The following PCSK5 variants were observed in gnomAD, a reference collection of about 807,000 sequenced individuals.
PCSK5 encodes the protein proprotein convertase subtilisin/kexin type 5.
A neutral mutation model predicts 233.2 loss-of-function variants in PCSK5; 129 were observed. That is an observed-to-expected ratio of 0.55 (90% CI 0.48 to 0.64). The LOEUF is 0.64. PCSK5 is among the 30% of genes least tolerant of loss of function. The probability of loss-of-function intolerance (pLI) is 0.00; values close to 1 mark genes in which losing one functional copy is unlikely to be tolerated. For synonymous variants in PCSK5, 825 were observed against 879.2 expected, an observed-to-expected ratio of 0.94 and a Z score of 1.09; for missense variants, 2,076 against 2,430.1, an observed-to-expected ratio of 0.85 and a Z score of 3.06.
chr9:76,301,380 C>T (rs959318923), intron 27 of PCSK5, among the ~76,000 whole-genome samples: 6 of 152,010 alleles, frequency 3.9e-5, no homozygotes, highest in Non-Finnish European at 2.9e-5. Context: ...AATGGTAAGT[C>T]GGGATACCTA....
At chr9:76,174,850 C>T (rs536142986) in intron 13 of PCSK5, 136 bp from the exon 14 acceptor site, 4 of 690,970 alleles carry the variant, frequency 5.8e-6, no homozygotes, top group Admixed American at 5.6e-5. Flanking sequence ...TCTAGCTCTG[C>T]GTTTGATGTA....
chr9:76,317,793 T>C (rs1829073545), intron 30 of PCSK5, among the ~76,000 whole-genome samples: 1 of 152,188 alleles, frequency 6.6e-6, no homozygotes. Flanking sequence ...TTGTCATGGC[T>C]GTGAGAAGAA....
Position 76,267,444 on chromosome 9 carries a change from C to T in PCSK5, c.3143-24789C>T, listed in dbSNP as rs1048761698. On this transcript the variant is annotated intron_variant, in intron 24 of 37. Transcript: ENST00000674117. Reference sequence around the variant, plus strand: ...GTGTGATTGTGTAAACTTAATCATACTGCAAAATCCCTCTTGTCTTCAGAC... The same window carrying T: ...GTGTGATTGTGTAAACTTAATCATATTGCAAAATCCCTCTTGTCTTCAGAC... Among the ~76,000 whole-genome samples the T allele has an allele frequency of 7.9e-5, 12 of 152,154 alleles. No homozygotes were observed. In the East Asian group the frequency reaches 1.2e-3, roughly 15 times the overall value.
At chr9:76,353,928 A>G (rs1019888162) in intron 36 of PCSK5, 105 bp from the exon 37 acceptor site, 1 of 791,888 alleles carries the variant, frequency 1.3e-6, no homozygotes, top group African/African-American at 1.7e-5. Context: ...GCTGTCCCCC[A>G]CACATCTCCC....
chr9:76,314,645 T>A (rs1275087097), intron 30 of PCSK5, among the ~76,000 whole-genome samples: 1 of 152,130 alleles, frequency 6.6e-6, no homozygotes, highest in Non-Finnish European at 1.5e-5. Context: ...AAAAAGTGTT[T>A]GTTTTTTTTG....
intron 6 of PCSK5, among the ~76,000 whole-genome samples, chr9:76,069,437 C>A (rs1477789588): frequency 7.3e-6 from 1 of 136,468 alleles, no homozygotes; most frequent in Non-Finnish European, 1.5e-5. Flanking sequence ...AACCAATGAC[C>A]TAGCTTACAG....
At chr9:76,192,430 A>G (rs1041491885) in intron 20 of PCSK5, among the ~76,000 whole-genome samples, 2 of 152,210 alleles carry the variant, frequency 1.3e-5, no homozygotes, top group African/African-American at 4.8e-5. Flanking sequence ...ATTCTAAGAC[A>G]TATATTTTTT....
At chr9:76,296,421 T>C (rs1828439591) in intron 26 of PCSK5, among the ~76,000 whole-genome samples, 1 of 152,132 alleles carries the variant, frequency 6.6e-6, no homozygotes, top group African/African-American at 2.4e-5. Context: ...CACATACCTG[T>C]AGTCCCGGTC....
chr9:75,932,130 A>G (rs774968989), intron 1 of PCSK5, among the ~76,000 whole-genome samples: 1 of 152,242 alleles, frequency 6.6e-6, no homozygotes, highest in African/African-American at 2.4e-5. Flanking sequence ...TGGAGAGGCT[A>G]AGCTGCCCCA....
chr9:76,156,802 C>T (rs1587696753), intron 10 of PCSK5, among the ~76,000 whole-genome samples: 1 of 152,152 alleles, frequency 6.6e-6, no homozygotes, highest in South Asian at 2.1e-4. Flanking sequence ...TAGTGCCTGG[C>T]ATGGAGTAAC....
intron 24 of PCSK5, among the ~76,000 whole-genome samples, chr9:76,285,102 T>A (rs1270276750): frequency 6.6e-6 from 1 of 152,008 alleles, no homozygotes; most frequent in Non-Finnish European, 1.5e-5. Flanking sequence ...GATTGGAGAG[T>A]GGCTGATGCT....
At chr9:75,976,866 A>G (rs1826047073) in intron 2 of PCSK5, among the ~76,000 whole-genome samples, 1 of 152,046 alleles carries the variant, frequency 6.6e-6, no homozygotes. Context: ...CCTTTTTTCC[A>G]CTTAGCTGTA....
chr9:76,058,136 A>G (rs1347641696), intron 5 of PCSK5, among the ~76,000 whole-genome samples: 1 of 152,176 alleles, frequency 6.6e-6, no homozygotes, highest in African/African-American at 2.4e-5. Flanking sequence ...AGATATTGCA[A>G]CCATGCCCGA....
chr9:75,943,454 C>G (rs1045900865), intron 2 of PCSK5, among the ~76,000 whole-genome samples: 1 of 152,148 alleles, frequency 6.6e-6, no homozygotes, highest in Non-Finnish European at 1.5e-5. Context: ...TAATTCATGT[C>G]TTTATTTTAA....
chr9:76,277,259 T>C (rs1827722749), intron 24 of PCSK5, among the ~76,000 whole-genome samples: 1 of 152,120 alleles, frequency 6.6e-6, no homozygotes, highest in Non-Finnish European at 1.5e-5. Context: ...ATTTTTTCTT[T>C]TTATTATGTC....
rs752065707 is a variant in PCSK5 at position 76,310,835 on chromosome 9, T to C, written c.3868T>C (p.Tyr1290His). 2 of 1,601,652 alleles carry C rather than the reference T, an allele frequency of 1.2e-6. No individual in the cohort carries two copies. The highest frequency in any genetic ancestry group is 1.7e-5 in the Admixed American group (1 of 57,350). The change falls in exon 30 of 38, where the codon TAC becomes CAC. Residue 1290 changes from tyrosine (Y) to histidine (H), a missense_variant. By Grantham distance (83) the Tyr-to-His change is moderately conservative. Around this residue, in one of 6 missense-constraint regions of PCSK5, gnomAD observed 1,510 missense variants for 1,538.1 expected, o/e 0.98. Coordinates refer to ENST00000674117, the MANE Select transcript of PCSK5 (RefSeq NM_001372043.1). ...TCTCTTCCTCCATGAAGGCAGGTGC[T>C]ACTCCAAGTGCCCGGAGTAAGTTTC... is the stretch of plus-strand genomic sequence containing the variant. The part of the protein sequence containing the change: ...HPLFLHEGRC[Y>H]SKCPEGSYAE...
At position 76,358,735 on chromosome 9, in the gene PCSK5, G is replaced by T; in HGVS notation, c.5477G>T (p.Ser1826Ile). The T allele has an allele frequency of 6.2e-6, 10 of 1,612,904 alleles. No individual in the cohort carries two copies. The highest frequency in any genetic ancestry group is 7.6e-6 in the Non-Finnish European group (9 of 1,179,892). The change falls in exon 38 of 38, where the codon AGC becomes ATC. Residue 1826 changes from serine (S) to isoleucine (I), a missense_variant. Transcript: ENST00000674117. ...TCCTATAAGAGCAGCTATAGAGAGAGCACCAGCTTTGAAGAGGATCAGGTG... is the reference window on the plus strand; with the variant it reads ...TCCTATAAGAGCAGCTATAGAGAGATCACCAGCTTTGAAGAGGATCAGGTG... ...YSSYKSSYRE[S>I]TSFEEDQVIE...
At chr9:76,342,128 C>T (rs897872634) in intron 35 of PCSK5, among the ~76,000 whole-genome samples, 3 of 152,014 alleles carry the variant, frequency 2.0e-5, no homozygotes, top group African/African-American at 4.8e-5. Flanking sequence ...TTTTGTTTTC[C>T]TCTCTTTATA....
At chr9:76,104,932 A>G (rs1831916615) in intron 8 of PCSK5, among the ~76,000 whole-genome samples, 1 of 152,224 alleles carries the variant, frequency 6.6e-6, no homozygotes, top group African/African-American at 2.4e-5. Flanking sequence ...GTGTTCATGC[A>G]TTGACTTAGG....
Sources: allele counts gnomAD v4.1 joint callset (sites outside exome capture counted in the v4.1 genomes callset), GRCh38; gene constraint gnomAD v4.1.1; regional missense constraint gnomAD v4.1.1; transcripts MANE v1.5; gene names NCBI Gene and HGNC (gene_info 2026-07-23, HGNC 2026-07-21).